PARP4: variants seen among roughly 807,000 people sequenced by gnomAD.
PARP4 encodes poly(ADP-ribose) polymerase family member 4.
In PARP4, 120 loss-of-function variants were observed where a neutral mutation model predicts 187.7. The observed-to-expected ratio is 0.64, with a 90% CI of 0.55 to 0.74. The LOEUF (loss-of-function observed/expected upper bound fraction) is 0.74, where lower values mean the gene tolerates loss of function less well. PARP4 is among the 30% of genes least tolerant of loss of function. PARP4 has a pLI of 0.00. For missense variants in PARP4, 1,836 were observed against 2,070.5 expected (o/e 0.89, Z 2.20); for synonymous variants, 654 against 740.9 (o/e 0.88, Z 1.90).
In PARP4 at chr13:24,429,192, T is replaced by G. The variant is rs114583596; in HGVS notation, c.4846+2185A>C. On this transcript the variant is annotated intron_variant, in intron 32 of 33. Transcript: ENST00000381989. ...ATTTGGTTTTTCTTTATAGTTTCCA[T>G]CTATTTGCTGAGATTCTGCGATTCA... Among the ~76,000 whole-genome samples the G allele has an allele frequency of 1.9e-3, 282 of 152,326 alleles. 1 individual carries two copies. Among genetic ancestry groups the G allele is most frequent in the African/African-American group, 6.4e-3 (264 of 41,574 alleles).
At chr13:24,438,422 G>C (rs2137447583) in intron 30 of PARP4, among the ~76,000 whole-genome samples, 1 of 152,304 alleles carries the variant, frequency 6.6e-6, no homozygotes, top group Middle Eastern at 3.4e-3. Context: ...CCAGGGACTG[G>C]GGGTTGGGGA....
At position 24,460,135 on chromosome 13, in the gene PARP4, T is replaced by C. The variant is rs750935298; in HGVS notation, c.2135A>G (p.Asp712Gly). ...GTTTCCAACACTTACAGTAAAAACGTCCTGAAACAGAAACATATGACTTAG... is the reference window on the plus strand; with the variant it reads ...GTTTCCAACACTTACAGTAAAAACGCCCTGAAACAGAAACATATGACTTAG... ...GAYLMSQDAP[D>G]VFTVSVGNLP... The change falls in exon 18 of 34, where the codon GAC (aspartate) becomes GGC (glycine). Residue 712 changes from aspartate to glycine, a missense_variant and splice_region_variant. This residue lies in a region of PARP4 where 1,147 missense variants were observed against 1,214.2 expected (regional missense o/e 0.94). Transcript: ENST00000381989. 6.2e-7 allele frequency: 1 copy of C among 1,611,680 alleles called. No individual in the cohort carries two copies. Among genetic ancestry groups the C allele is most frequent in the Non-Finnish European group, 8.5e-7 (1 of 1,178,998 alleles).
intron 12 of PARP4, among the ~76,000 whole-genome samples, chr13:24,482,468 T>C (rs1349521232): frequency 1.3e-5 from 2 of 152,210 alleles, no homozygotes; most frequent in East Asian, 1.9e-4. Flanking sequence ...GCAAACTTCA[T>C]TGTTGTCTTA....
chr13:24,453,012 G>T (rs866517089), intron 23 of PARP4, among the ~76,000 whole-genome samples: 11 of 152,130 alleles, frequency 7.2e-5, no homozygotes, highest in Middle Eastern at 3.4e-3. Flanking sequence ...TCGGCTCACT[G>T]CAACTTCTAC....
intron 31 of PARP4, among the ~76,000 whole-genome samples, chr13:24,433,749 GC>G (rs1177216362): frequency 1.0e-4 from 8 of 79,054 alleles, no homozygotes; most frequent in Non-Finnish European, 1.9e-4. Flanking sequence ...TACCTGACTT[GC>G]CCCAAATCAC....
rs1188488662 is a variant in PARP4, at chr13:24,484,756, G to A, written c.1353-8C>T. The A allele has an allele frequency of 2.0e-6, 3 of 1,530,404 alleles. No individual in the cohort carries two copies. The South Asian group carries it at 3.4e-5, about 17-fold the overall frequency. The allele number at this position is 1,530,404 out of a possible 1,614,324, so 94.8% of individuals were successfully genotyped here. ...TTGGGTAAAAGCAACCCTCTGAAAA[G>A]AGAAGGGCAGGATAAGGTGTAAGCC... is the stretch of plus-strand genomic sequence containing the variant. On this transcript the variant is annotated splice_polypyrimidine_tract_variant and splice_region_variant and intron_variant, in intron 11 of 33. Transcript: ENST00000381989.
At position 24,478,128 on chromosome 13, in the gene PARP4, C is replaced by T. The variant is rs374772013; in HGVS notation, c.1597G>A (p.Val533Ile). 1.2e-6 allele frequency: 2 copies of T among 1,611,042 alleles called. No homozygotes were observed. The highest frequency in any genetic ancestry group is 1.7e-6 in the Non-Finnish European group (2 of 1,178,554). The change falls in exon 13 of 34, where the codon GTT (valine) becomes ATT (isoleucine). Residue 533 changes from valine (V) to isoleucine (I), a missense_variant. This residue lies in a region of PARP4 where 1,147 missense variants were observed against 1,214.2 expected (regional missense o/e 0.94). Transcript: ENST00000381989. ...GTGGTGACAGAGGCTGTTTGCGAAACTCCATGCACACTGTCGTAGCCTGGT... is the reference window on the plus strand; with the variant it reads ...GTGGTGACAGAGGCTGTTTGCGAAATTCCATGCACACTGTCGTAGCCTGGT... ...APPGYDSVHGVSQTASVTTDF... is the reference protein window; with the variant it reads ...APPGYDSVHGISQTASVTTDF...
rs773660621 is a variant in PARP4, at chr13:24,499,384, T to C, written c.402-8A>G. 2.7e-5 allele frequency: 42 copies of C among 1,559,410 alleles called. No individual in the cohort carries two copies. The highest frequency in any genetic ancestry group is 3.6e-5 in the Non-Finnish European group (42 of 1,160,716). ...ACATTCTGCATACCAAACCTGAAAT[T>C]TGTAGTGTATAATTAAAATTTTAAC... On this transcript the variant is annotated splice_region_variant and splice_polypyrimidine_tract_variant and intron_variant, in intron 4 of 33. Transcript: ENST00000381989.
intron 15 of PARP4, among the ~76,000 whole-genome samples, chr13:24,473,004 G>T (rs1421368321): frequency 2.0e-5 from 3 of 148,814 alleles, no homozygotes; most frequent in Non-Finnish European, 4.4e-5. Flanking sequence ...CTGCCCTCCT[G>T]TGACTTTGCC....
chr13:24,494,767 A>T (rs1242678031), intron 6 of PARP4, 45 bp from the exon 7 acceptor site: 1 of 1,361,576 alleles, frequency 7.3e-7, no homozygotes, highest in African/African-American at 1.5e-5. Context: ...TTATTTACAT[A>T]TCTAGCTTTA....
At chr13:24,484,880 G>C in intron 11 of PARP4, 132 bp from the exon 12 acceptor site, 1 of 572,006 alleles carries the variant, frequency 1.7e-6, no homozygotes. Flanking sequence ...AGCCATGGTT[G>C]TTTCCGGAAA....
chr13:24,458,672 T>C (rs1012046735), intron 20 of PARP4, among the ~76,000 whole-genome samples: 7 of 152,204 alleles, frequency 4.6e-5, no homozygotes, highest in East Asian at 3.8e-4. Context: ...TCACTGACTA[T>C]TGTGAAACAG....
At chr13:24,452,358 C>G in intron 24 of PARP4, 48 bp downstream of exon 24, 1 of 1,474,404 alleles carries the variant, frequency 6.8e-7, no homozygotes, top group Non-Finnish European at 9.2e-7. Flanking sequence ...GGCAACAAGA[C>G]GACCTCCCCG....
At chr13:24,510,457 G>C (rs1202865579) in intron 1 of PARP4, among the ~76,000 whole-genome samples, 1 of 149,560 alleles carries the variant, frequency 6.7e-6, no homozygotes, top group Non-Finnish European at 1.5e-5. Context: ...GGGAGGCTGA[G>C]GCAGGGGAAT....
rs372294930 is a variant in PARP4 at position 24,434,117 on chromosome 13, A to C, written c.4746+278T>G. On this transcript the variant is annotated intron_variant, in intron 31 of 33. Coordinates refer to ENST00000381989, the MANE Select transcript of PARP4 (RefSeq NM_006437.4). ...CATCTGTTCAGAGATGTTCATTTTC[A>C]TGTGAGGAATAGTAACATTCACCAG... 9.2e-5 allele frequency among the ~76,000 whole-genome samples: 14 copies of C among 152,230 alleles called. No homozygotes were observed. The East Asian group carries it at 1.2e-3, about 13-fold the overall frequency.
At chr13:24,494,482 G>C (rs2862906) in intron 7 of PARP4, 91 bp downstream of exon 7, 678,731 of 1,219,900 alleles carry the variant, frequency 0.56, 189,547 homozygotes, top group South Asian at 0.65. Flanking sequence ...CATGAGCCAC[G>C]AAGCCTGGCC....
chr13:24,423,530 C>CAAAAAAAAA (rs113636449), intron 33 of PARP4, among the ~76,000 whole-genome samples: 704 of 54,876 alleles, frequency 0.013, 5 homozygotes, highest in African/African-American at 0.066. Context: ...GATCTGGCCT[C>CAAAAAAAAA]AAAAAATAAA....
chr13:24,433,756 A>G (rs1870463608), intron 31 of PARP4, among the ~76,000 whole-genome samples: 1 of 150,984 alleles, frequency 6.6e-6, no homozygotes, highest in Non-Finnish European at 1.5e-5. Flanking sequence ...CTTGCCCCAA[A>G]TCACAAAGTG....
chr13:24,463,402 AG>A (rs776230857), intron 17 of PARP4, among the ~76,000 whole-genome samples: 4 of 152,190 alleles, frequency 2.6e-5, no homozygotes, highest in Non-Finnish European at 4.4e-5. Flanking sequence ...TTCAAGCAGA[AG>A]GAAGATTTCT....
Sources: gnomAD v4.1 joint callset for allele counts (sites outside exome capture counted in the v4.1 genomes callset) on GRCh38, gnomAD v4.1.1 for gene constraint, gnomAD v4.1.1 regional missense constraint, MANE v1.5 for transcripts, NCBI Gene and HGNC (gene_info 2026-07-23, HGNC 2026-07-21) for gene names.